Variants in OR1F1 observed in about 807,000 individuals in gnomAD.
OR1F1 encodes the protein olfactory receptor family 1 subfamily F member 1, also known as olfactory receptor 1F1.
For missense variants in OR1F1, 493 were observed against 376.3 expected, an observed-to-expected ratio of 1.31 and a Z score of -2.57; for synonymous variants, 184 against 156.7, an observed-to-expected ratio of 1.17 and a Z score of -1.30.
the OR1F1 span, among the ~76,000 whole-genome samples, chr16:3,193,262 G>C: frequency 2.8e-4 from 43 of 152,350 alleles, no homozygotes; most frequent in African/African-American, 1.0e-3. Context: ...GACCCCAGGA[G>C]GACCTGACCT....
chr16:3,203,237 C>T (rs958742961), upstream of OR1F1, among the ~76,000 whole-genome samples: 2 of 152,154 alleles, frequency 1.3e-5, no homozygotes, highest in African/African-American at 4.8e-5. Context: ...GGAATATGAC[C>T]CTAGTGGCCA....
the OR1F1 span, among the ~76,000 whole-genome samples, chr16:3,193,341 C>T: frequency 6.6e-6 from 1 of 152,212 alleles, no homozygotes; most frequent in African/African-American, 2.4e-5. Context: ...GCACCCAGCC[C>T]GAGACCCTCC....
Position 3,204,472 on chromosome 16 carries a change from A to C in OR1F1, c.226A>C (p.Thr76Pro), listed in dbSNP as rs778446982. ...TTTTGTGGACATCTGCTTCTCCTTC[A>C]CCACCGTCCCCAAGATGCTGGCCAA... The change falls in exon 1 of 1, where the codon ACC becomes CCC. Residue 76 changes from threonine to proline, a missense_variant. Coordinates refer to ENST00000304646, the Ensembl canonical transcript of OR1F1. 3.1e-5 allele frequency: 50 copies of C among 1,613,664 alleles called. No homozygotes were observed. The highest frequency in any genetic ancestry group is 4.2e-5 in the Non-Finnish European group (49 of 1,179,946).
At chr16:3,189,017 G>C in the OR1F1 span, among the ~76,000 whole-genome samples, 2 of 152,184 alleles carry the variant, frequency 1.3e-5, no homozygotes, top group African/African-American at 4.8e-5. Flanking sequence ...GGCGCTGCGG[G>C]GCTGGTTCAG....
chr16:3,198,103 A>AGGAGAG, the OR1F1 span, among the ~76,000 whole-genome samples: 8 of 46,280 alleles, frequency 1.7e-4, no homozygotes, highest in African/African-American at 6.8e-4. Flanking sequence ...GAGAGGGAGA[A>AGGAGAG]GGAGAGGGAG....
At chr16:3,204,480 C>T (rs746532811) in exon 1 of OR1F1, 13 of 1,614,044 alleles carry the variant, frequency 8.1e-6, no homozygotes, top group South Asian at 6.6e-5. Context: ...TCACCACCGT[C>T]CCCAAGATGC....
At chr16:3,192,156 A>C in the OR1F1 span, among the ~76,000 whole-genome samples, 1 of 152,178 alleles carries the variant, frequency 6.6e-6, no homozygotes, top group African/African-American at 2.4e-5. Flanking sequence ...TCCTGGGTTC[A>C]CGCCATTCTC....
At chr16:3,195,184 C>A in the OR1F1 span, among the ~76,000 whole-genome samples, 12 of 152,346 alleles carry the variant, frequency 7.9e-5, no homozygotes, top group South Asian at 1.2e-3. Context: ...CGCTCTCCCC[C>A]CAACCGTTCC....
upstream of OR1F1, among the ~76,000 whole-genome samples, chr16:3,203,491 T>C (rs543583724): frequency 9.9e-5 from 15 of 152,258 alleles, no homozygotes; most frequent in East Asian, 5.8e-4. Flanking sequence ...ATTGGCCAGG[T>C]GTGGTGGCTC....
upstream of OR1F1, among the ~76,000 whole-genome samples, chr16:3,201,804 C>T (rs1258524259): frequency 2.0e-5 from 3 of 152,174 alleles, no homozygotes; most frequent in African/African-American, 4.8e-5. Context: ...CCACCAGTGA[C>T]ACCCAGGCGT....
the OR1F1 span, among the ~76,000 whole-genome samples, chr16:3,196,069 C>T: frequency 9.6e-4 from 146 of 152,360 alleles, no homozygotes; most frequent in Middle Eastern, 0.01. Context: ...ACCCAGCGAG[C>T]AGTTGGTGGC....
chr16:3,196,699 CTT>C, the OR1F1 span, among the ~76,000 whole-genome samples: 5,523 of 123,716 alleles, frequency 0.045, 321 homozygotes, highest in African/African-American at 0.16. Context: ...TGAAATTAAT[CTT>C]TTTTTTTTTT....
chr16:3,197,282 G>T, the OR1F1 span, among the ~76,000 whole-genome samples: 8 of 151,548 alleles, frequency 5.3e-5, no homozygotes, highest in African/African-American at 1.9e-4. Context: ...GCCTCCCAAA[G>T]TGCTGGGATT....
exon 1 of OR1F1, chr16:3,204,635 T>C: frequency 6.2e-7 from 1 of 1,614,148 alleles, no homozygotes; most frequent in East Asian, 2.2e-5. Flanking sequence ...TGCCACCCCT[T>C]ACATTACACA....
upstream of OR1F1, among the ~76,000 whole-genome samples, chr16:3,200,041 A>G (rs1958119650): frequency 6.6e-6 from 1 of 151,956 alleles, no homozygotes; most frequent in South Asian, 2.1e-4. Context: ...AGAAGAACAA[A>G]GTTAGGTGCA....
At chr16:3,201,522 G>T (rs8044035), upstream of OR1F1, among the ~76,000 whole-genome samples, 1 of 151,986 alleles carries the variant, frequency 6.6e-6, no homozygotes, top group African/African-American at 2.4e-5. Flanking sequence ...ATACGTGGAG[G>T]AAAAGGGGAA....
At chr16:3,204,221 G>A (rs1202885661), upstream of OR1F1, 2 of 1,537,900 alleles carry the variant, frequency 1.3e-6, no homozygotes, top group African/African-American at 1.4e-5. Flanking sequence ...TTCTTTGTCT[G>A]CCTCTGTGTC....
chr16:3,206,413 C>T (rs1958210456), downstream of OR1F1, among the ~76,000 whole-genome samples: 1 of 152,040 alleles, frequency 6.6e-6, no homozygotes, highest in Non-Finnish European at 1.5e-5. Flanking sequence ...CCTTTTTGCC[C>T]TTTGACACCT....
At chr16:3,204,356 C>A (rs1958173675) in exon 1 of OR1F1, 3 of 1,614,052 alleles carry the variant, frequency 1.9e-6, no homozygotes, top group Non-Finnish European at 2.5e-6. Flanking sequence ...ATGTACCTGG[C>A]CACTGTCCTG....
Sources: gnomAD v4.1 joint callset for allele counts (sites outside exome capture counted in the v4.1 genomes callset) on GRCh38, gnomAD v4.1.1 for gene constraint, MANE v1.5 for transcripts, NCBI Gene and HGNC (gene_info 2026-07-23, HGNC 2026-07-21) for gene names.